Variants in TRDN observed in about 807,000 individuals in gnomAD.
TRDN encodes the protein triadin.
TRDN carries 161 observed loss-of-function variants against 149.7 expected under a neutral mutation model. That is an observed-to-expected ratio of 1.08 (90% confidence interval 0.95 to 1.23). The LOEUF (loss-of-function observed/expected upper bound fraction) is 1.23. TRDN is among the 50% of genes most tolerant of loss of function. The probability of loss-of-function intolerance (pLI) is 0.00; values close to 1 mark genes in which losing one functional copy is unlikely to be tolerated. For synonymous variants in TRDN, 294 were observed against 250.5 expected (o/e 1.17, Z -1.64); for missense variants, 896 against 823.5 (o/e 1.09, Z -1.08).
chr6:123,425,235 GTGTGTGT>G (rs1562306938), intron 12 of TRDN, among the ~76,000 whole-genome samples: 127 of 3,312 alleles, frequency 0.038, no homozygotes, highest in South Asian at 0.15. Flanking sequence ...AGGTAGAGGT[GTGTGTGT>G]GTGTGTGTGT....
At chr6:123,396,171 A>G (rs943953045) in intron 12 of TRDN, among the ~76,000 whole-genome samples, 3 of 152,212 alleles carry the variant, frequency 2.0e-5, no homozygotes, top group Admixed American at 1.3e-4. Context: ...CTGAAAACAC[A>G]TTAATCCAGA....
chr6:123,414,208 G>A (rs1026726821), intron 12 of TRDN, among the ~76,000 whole-genome samples: 5 of 151,902 alleles, frequency 3.3e-5, no homozygotes, highest in Admixed American at 6.6e-5. Flanking sequence ...AATACTTTCC[G>A]AAATATTGAT....
chr6:123,368,329 T>G (rs533233904), intron 19 of TRDN, among the ~76,000 whole-genome samples: 1 of 152,336 alleles, frequency 6.6e-6, no homozygotes. Context: ...TGGCCTTTCC[T>G]GACATTCATT....
chr6:123,406,317 T>C (rs1422673903), intron 12 of TRDN, among the ~76,000 whole-genome samples: 1 of 152,138 alleles, frequency 6.6e-6, no homozygotes, highest in Non-Finnish European at 1.5e-5. Context: ...GAATAAAAAG[T>C]TAAATTTTTA....
intron 10 of TRDN, among the ~76,000 whole-genome samples, chr6:123,449,588 A>G (rs577072156): frequency 6.6e-6 from 1 of 152,162 alleles, no homozygotes; most frequent in Non-Finnish European, 1.5e-5. Flanking sequence ...GACCAAATCT[A>G]AGAATAATCG....
chr6:123,553,158 A>G (rs961004742), intron 2 of TRDN, among the ~76,000 whole-genome samples: 25 of 152,256 alleles, frequency 1.6e-4, no homozygotes, highest in African/African-American at 4.3e-4. Flanking sequence ...TCAGCTTGCT[A>G]GCCAGAACTA....
intron 4 of TRDN, among the ~76,000 whole-genome samples, chr6:123,532,411 T>C (rs6939403): frequency 0.87 from 132,692 of 151,948 alleles, 57,943 homozygotes; most frequent in East Asian, 0.98. Flanking sequence ...TTAAGTAAGA[T>C]GATTTTGCAG....
At chr6:123,584,033 G>C (rs1462109121) in intron 1 of TRDN, 2 of 157,198 alleles carry the variant, frequency 1.3e-5, no homozygotes, top group African/African-American at 2.4e-5. Flanking sequence ...TAGGCCTAGT[G>C]GAACTGCCAT....
At chr6:123,478,109 A>T (rs1354292150) in intron 9 of TRDN, among the ~76,000 whole-genome samples, 5 of 151,922 alleles carry the variant, frequency 3.3e-5, no homozygotes, top group Admixed American at 3.3e-4. Context: ...CTAATATAAG[A>T]TTAAATTTTT....
Position 123,497,187 on chromosome 6 carries a change from G to T in TRDN, c.853+6C>A, listed in dbSNP as rs1331217957. ...AACAGACAAGTACAAGAATTGCTTGGAATACCTGGTTTTAAATCCCCATGG... is the reference window on the plus strand; with the variant it reads ...AACAGACAAGTACAAGAATTGCTTGTAATACCTGGTTTTAAATCCCCATGG... On this transcript the variant is annotated splice_donor_region_variant and intron_variant, in intron 9 of 40. Transcript: ENST00000334268. 2.6e-6 allele frequency: 4 copies of T among 1,542,378 alleles called. No homozygotes were observed. Among genetic ancestry groups the T allele is most frequent in the East Asian group, 2.4e-5 (1 of 40,952 alleles).
intron 24 of TRDN, among the ~76,000 whole-genome samples, chr6:123,295,777 A>C (rs1237917109): frequency 2.0e-5 from 3 of 152,082 alleles, no homozygotes; most frequent in African/African-American, 7.2e-5. Flanking sequence ...CGACCTGGCC[A>C]ACACAGCGAA....
intron 14 of TRDN, among the ~76,000 whole-genome samples, chr6:123,385,066 C>A (rs956086435): frequency 1.3e-5 from 2 of 152,150 alleles, no homozygotes; most frequent in Non-Finnish European, 2.9e-5. Flanking sequence ...TCTGTTCAAT[C>A]CGTCATTCAC....
Position 123,530,576 on chromosome 6 carries a change from A to C in TRDN, c.425-11T>G. The C allele has an allele frequency of 8.2e-7, 1 of 1,220,764 alleles. No homozygotes were observed. The highest frequency in any genetic ancestry group is 1.1e-6 in the Non-Finnish European group (1 of 908,358). The allele number at this position is 1,220,764 out of a possible 1,614,324, so 75.6% of individuals were successfully genotyped here. On this transcript the variant is annotated splice_polypyrimidine_tract_variant and intron_variant, in intron 4 of 40. Transcript: ENST00000334268. ...TATCTTTGTGTATTTCTAAGAAAAAATAGAATTTATAATTTTAAAACTCTG... is the reference window on the plus strand; with the variant it reads ...TATCTTTGTGTATTTCTAAGAAAAACTAGAATTTATAATTTTAAAACTCTG...
intron 21 of TRDN, chr6:123,351,261 T>G (rs1305016416): frequency 2.1e-6 from 2 of 967,908 alleles, no homozygotes; most frequent in Non-Finnish European, 2.5e-6. Context: ...TTTACACATT[T>G]TCATATCCTT....
chr6:123,486,603 A>G (rs1027317350), intron 9 of TRDN, among the ~76,000 whole-genome samples: 4 of 151,992 alleles, frequency 2.6e-5, no homozygotes, highest in East Asian at 1.9e-4. Context: ...AATAGGGCCA[A>G]TTACATAACC....
At chr6:123,252,269 A>G in intron 38 of TRDN, 143 bp downstream of exon 38, 1 of 417,658 alleles carries the variant, frequency 2.4e-6, no homozygotes, top group Non-Finnish European at 4.3e-6. Context: ...AGTAACAATA[A>G]AAGCTAATAA....
At chr6:123,476,108 G>T in intron 9 of TRDN, among the ~76,000 whole-genome samples, 1 of 134,316 alleles carries the variant, frequency 7.4e-6, no homozygotes, top group East Asian at 2.2e-4. Flanking sequence ...AGGAAAAGAG[G>T]AAGTGAAATT....
rs1369334415 is a variant in TRDN at position 123,623,373 on chromosome 6, C to T, written c.22+13381G>A. 2.0e-5 allele frequency among the ~76,000 whole-genome samples: 3 copies of T among 152,124 alleles called. No individual in the cohort carries two copies. The East Asian group carries it at 5.8e-4, about 29-fold the overall frequency. ...TTCAATCCCATCTCCTTTGAAGCTA[C>T]CACTAGCATCTATACTCATCTTTAT... On this transcript the variant is annotated intron_variant, in intron 1 of 40. Coordinates refer to ENST00000334268, the MANE Select transcript of TRDN (RefSeq NM_006073.4).
At chr6:123,260,575 A>G in intron 34 of TRDN, 37 bp downstream of exon 34, 1 of 1,472,820 alleles carries the variant, frequency 6.8e-7, no homozygotes. Context: ...TGTTTCCACA[A>G]CTGTATCTTA....
Sources: allele counts gnomAD v4.1 joint callset (sites outside exome capture counted in the v4.1 genomes callset), GRCh38; gene constraint gnomAD v4.1.1; transcripts MANE v1.5; gene names NCBI Gene and HGNC (gene_info 2026-07-23, HGNC 2026-07-21).